Variants in PLEKHA5 observed in about 807,000 individuals in gnomAD.
PLEKHA5 encodes the protein pleckstrin homology domain containing A5, also known as pleckstrin homology domain-containing family A member 5.
Under a neutral mutation model 181.9 loss-of-function variants are expected in PLEKHA5, and 55 were observed. The ratio of observed to expected loss-of-function variants is 0.30; its 90% CI spans 0.24 to 0.38. PLEKHA5 has a LOEUF of 0.38. Ranked by LOEUF, PLEKHA5 falls within the 10% of genes least tolerant of loss-of-function variation. The pLI, the probability that PLEKHA5 is intolerant of heterozygous loss-of-function variation, is 1.00. For missense variants in PLEKHA5, 1,432 were observed against 1,549.5 expected, an observed-to-expected ratio of 0.92 and a Z score of 1.27; for synonymous variants, 535 against 529.4, an observed-to-expected ratio of 1.01 and a Z score of -0.15.
chr12:19,224,692 C>T (rs1457773154), intron 3 of PLEKHA5, among the ~76,000 whole-genome samples: 1 of 152,130 alleles, frequency 6.6e-6, no homozygotes, highest in African/African-American at 2.4e-5. Flanking sequence ...CTGCTTAAAG[C>T]ATTTTCAATG....
At chr12:19,300,989 A>G (rs1298042071) in intron 15 of PLEKHA5, among the ~76,000 whole-genome samples, 3 of 151,326 alleles carry the variant, frequency 2.0e-5, no homozygotes, top group Non-Finnish European at 4.4e-5. Context: ...AAAAAAAAAA[A>G]AAAATACAAA....
At chr12:19,215,221 A>G (rs1373941805) in intron 3 of PLEKHA5, among the ~76,000 whole-genome samples, 2 of 152,084 alleles carry the variant, frequency 1.3e-5, no homozygotes, top group Non-Finnish European at 2.9e-5. Context: ...ACTAAAAACT[A>G]TTTCTTCTTT....
At chr12:19,282,089 G>GT (rs921758321) in intron 11 of PLEKHA5, among the ~76,000 whole-genome samples, 34 of 152,142 alleles carry the variant, frequency 2.2e-4, no homozygotes, top group African/African-American at 8.0e-4. Flanking sequence ...GCCCAAAGTG[G>GT]TTTTTTTAAA....
intron 15 of PLEKHA5, among the ~76,000 whole-genome samples, chr12:19,297,464 T>C (rs1189676618): frequency 2.7e-5 from 4 of 146,368 alleles, no homozygotes; most frequent in Non-Finnish European, 6.0e-5. Flanking sequence ...CTACTAAAAA[T>C]ACAAAAAATT....
Position 19,291,742 on chromosome 12 carries a change from T to A in PLEKHA5, c.2037+45T>A, listed in dbSNP as rs764892339. 2.1e-5 allele frequency: 21 copies of A among 1,003,558 alleles called. No homozygotes were observed. In the African/African-American group the frequency reaches 2.8e-4, roughly 13 times the overall value. 62.2% of individuals were successfully genotyped at this position (1,003,558 alleles called of 1,614,324 possible). On this transcript the variant is annotated intron_variant, in intron 15 of 31. Transcript: ENST00000429027. Reference sequence around the variant, plus strand: ...TCTTACTTTTAATACTTAATAGAACTTCTTAAATATAATACAGTTTTTCAG... The same window carrying A: ...TCTTACTTTTAATACTTAATAGAACATCTTAAATATAATACAGTTTTTCAG...
Position 19,130,220 on chromosome 12 carries a change from C to T in PLEKHA5, c.169+90C>T. On this transcript the variant is annotated intron_variant, in intron 2 of 31. Coordinates refer to ENST00000429027, the MANE Select transcript of PLEKHA5 (RefSeq NM_001256470.2). This position sits in a 1 kb window ranked among gnomAD's most constrained non-coding sequence, Gnocchi z 4.5. Reference sequence around the variant, plus strand: ...GCTCCCCGCAACCTGCCCCGCGCCGCGGGCCCCGGGAGGCGGCGAGGCGGG... The same window carrying T: ...GCTCCCCGCAACCTGCCCCGCGCCGTGGGCCCCGGGAGGCGGCGAGGCGGG... The T allele has an allele frequency of 5.5e-6, 4 of 723,684 alleles. No individual in the cohort carries two copies. The highest frequency in any genetic ancestry group is 4.5e-5 in the Admixed American group (1 of 22,356). The allele number at this position is 723,684 out of a possible 1,614,324, so 44.8% of individuals were successfully genotyped here. A position where few individuals can be genotyped will look rare whatever the true frequency, so the allele number is the denominator to read the frequency against.
intron 3 of PLEKHA5, among the ~76,000 whole-genome samples, chr12:19,229,774 ATTTTACAGAGAGCTGATTGATCTG>A (rs1270567024): frequency 2.7e-3 from 405 of 152,210 alleles, no homozygotes; most frequent in African/African-American, 9.2e-3. Flanking sequence ...TGATTGATCC[ATTTTACAGAGAGCTGATTGATCTG>A]TTTTACAGAG....
At chr12:19,165,325 A>G (rs1048146177) in intron 3 of PLEKHA5, among the ~76,000 whole-genome samples, 6 of 152,208 alleles carry the variant, frequency 3.9e-5, no homozygotes, top group African/African-American at 7.2e-5. Context: ...ATTTATGTCA[A>G]GCTTACACAC....
In PLEKHA5 at chr12:19,213,958, AAAT is replaced by A. The variant is rs146076688; in HGVS notation, c.228-39972_228-39970del. Among the ~76,000 whole-genome samples, 311 of 152,326 alleles carry A rather than the reference AAAT, an allele frequency of 2.0e-3. 1 individual carries two copies. The highest frequency in any genetic ancestry group is 6.8e-3 in the African/African-American group (283 of 41,576). On this transcript the variant is annotated intron_variant, in intron 3 of 31. Coordinates refer to ENST00000429027, the MANE Select transcript of PLEKHA5 (RefSeq NM_001256470.2). ...ATTGGATATAGGGCTGTACACAACAAAATAATAATAATTATGATAATACTAATA... is the reference window on the plus strand; with the variant it reads ...ATTGGATATAGGGCTGTACACAACAAAATAATAATTATGATAATACTAATA...
rs758786805 is a variant in PLEKHA5 at position 19,261,033 on chromosome 12, C to T, written c.610+12C>T. 1.8e-5 allele frequency: 27 copies of T among 1,488,400 alleles called. No individual in the cohort carries two copies. The highest frequency in any genetic ancestry group is 2.4e-5 in the Non-Finnish European group (26 of 1,072,220). The allele number at this position is 1,488,400 out of a possible 1,614,324, so 92.2% of individuals were successfully genotyped here. On this transcript the variant is annotated intron_variant, in intron 7 of 31. Transcript: ENST00000429027. ...CTTTTATTATAGAGGTAAGTTTACC[C>T]TACTGTCTTAGTGTATTATTTTGTA...
Position 19,364,669 on chromosome 12 carries a change from G to T in PLEKHA5, c.3609-1295G>T, listed in dbSNP as rs111909370. On this transcript the variant is annotated intron_variant, in intron 29 of 31. Coordinates refer to ENST00000429027, the MANE Select transcript of PLEKHA5 (RefSeq NM_001256470.2). Reference sequence around the variant, plus strand: ...ATAACCCCTGAACTCACTAATGTTTGTTTTTTTTTTGAGACGGGATCTCAC... The same window carrying T: ...ATAACCCCTGAACTCACTAATGTTTTTTTTTTTTTTGAGACGGGATCTCAC... Among the ~76,000 whole-genome samples, 558 of 147,316 alleles carry T rather than the reference G, an allele frequency of 3.8e-3. 3 individuals carry two copies. Among genetic ancestry groups the T allele is most frequent in the African/African-American group, 0.013 (539 of 40,272 alleles).
chr12:19,203,306 T>C lies in PLEKHA5; in HGVS notation c.228-50634T>C, dbSNP rs529847872. On this transcript the variant is annotated intron_variant, in intron 3 of 31. Transcript: ENST00000429027. ...TGTCTGTCTCTTAGAGTTGACTCCC[T>C]CACTCTTCCATTATCCAGGGTATAG... is the stretch of plus-strand genomic sequence containing the variant. 2.0e-5 allele frequency among the ~76,000 whole-genome samples: 3 copies of C among 152,198 alleles called. No homozygotes were observed. In the East Asian group the frequency reaches 5.8e-4, roughly 29 times the overall value.
At chr12:19,163,419 C>G (rs983629862) in intron 3 of PLEKHA5, among the ~76,000 whole-genome samples, 2 of 152,070 alleles carry the variant, frequency 1.3e-5, no homozygotes, top group African/African-American at 4.8e-5. Flanking sequence ...CCTCGTGATC[C>G]GCCCACCTCG....
At chr12:19,242,109 A>G (rs894231210) in intron 3 of PLEKHA5, among the ~76,000 whole-genome samples, 2 of 152,214 alleles carry the variant, frequency 1.3e-5, no homozygotes, top group African/African-American at 4.8e-5. Context: ...CTCTGCTGTA[A>G]TACTCGGGAT....
chr12:19,325,922 G>A lies in PLEKHA5; in HGVS notation c.2448+3255G>A, dbSNP rs1050781022. Among the ~76,000 whole-genome samples, 6 of 151,970 alleles carry A rather than the reference G, an allele frequency of 3.9e-5. No individual in the cohort carries two copies. The East Asian group carries it at 7.7e-4, about 20-fold the overall frequency. On this transcript the variant is annotated intron_variant, in intron 20 of 31. Coordinates refer to ENST00000429027, the MANE Select transcript of PLEKHA5 (RefSeq NM_001256470.2). ...CTCAGGAGGCTGAGACAGGAGAATC[G>A]CTTGAACCCGGGAGGCTGAGGTTGC...
chr12:19,172,062 A>G (rs1192459695), intron 3 of PLEKHA5, among the ~76,000 whole-genome samples: 2 of 152,172 alleles, frequency 1.3e-5, no homozygotes, highest in Non-Finnish European at 2.9e-5. Context: ...GAAGGAGTAC[A>G]CTCTAAAATA....
At chr12:19,316,698 A>G (rs2088900145) in intron 16 of PLEKHA5, among the ~76,000 whole-genome samples, 1 of 152,166 alleles carries the variant, frequency 6.6e-6, no homozygotes. Flanking sequence ...TTCAGCCACT[A>G]GTAAAGGACT....
chr12:19,285,597 T>G (rs1353692316), intron 12 of PLEKHA5, among the ~76,000 whole-genome samples: 1 of 152,208 alleles, frequency 6.6e-6, no homozygotes, highest in Admixed American at 6.5e-5. Flanking sequence ...TTTGCTCTAG[T>G]AGTGCAGAAG....
chr12:19,334,829 A>AAAAAAAAAAAAAAAATATATATATAT, intron 20 of PLEKHA5, among the ~76,000 whole-genome samples: 1 of 18,602 alleles, frequency 5.4e-5, no homozygotes, highest in Admixed American at 8.7e-4. Flanking sequence ...AAAAAAAAAA[A>AAAAAAAAAAAAAAAATATATATATAT]ATATATATAT....
Sources: gnomAD v4.1 joint callset for allele counts (sites outside exome capture counted in the v4.1 genomes callset) on GRCh38, gnomAD v4.1.1 for gene constraint, Gnocchi (gnomAD v3.1) non-coding constraint, MANE v1.5 for transcripts, NCBI Gene and HGNC (gene_info 2026-07-23, HGNC 2026-07-21) for gene names.